The following SLC44A5 variants were observed in gnomAD, a reference collection of about 807,000 sequenced individuals.
The protein encoded by SLC44A5 is choline transporter-like protein 5.
A neutral mutation model predicts 101.8 loss-of-function variants in SLC44A5; 57 were observed. The ratio of observed to expected loss-of-function variants is 0.56; its 90% confidence interval spans 0.45 to 0.70. SLC44A5 has a LOEUF of 0.70. Ranked by LOEUF, SLC44A5 falls within the 30% of genes least tolerant of loss-of-function variation. SLC44A5 has a pLI of 0.00. For missense variants in SLC44A5, 737 were observed against 853.1 expected (o/e 0.86, Z 1.70); for synonymous variants, 281 against 290.9 (o/e 0.97, Z 0.35).
At chr1:75,711,593 A>G in the SLC44A5 span, among the ~76,000 whole-genome samples, 1 of 152,192 alleles carries the variant, frequency 6.6e-6, no homozygotes, top group African/African-American at 2.4e-5. Flanking sequence ...AAATCATACC[A>G]AAGTTTGGGT....
chr1:75,570,858 T>C (rs2102036024), intron 1 of SLC44A5, among the ~76,000 whole-genome samples: 1 of 152,274 alleles, frequency 6.6e-6, no homozygotes, highest in East Asian at 1.9e-4. Context: ...ATGTGCTAAT[T>C]AAAGCCCTCC....
chr1:75,529,779 C>A (rs1442863451), intron 2 of SLC44A5, among the ~76,000 whole-genome samples: 1 of 152,092 alleles, frequency 6.6e-6, no homozygotes, highest in Non-Finnish European at 1.5e-5. Context: ...CTGTACTAAT[C>A]CCCTCTAGAA....
intron 2 of SLC44A5, among the ~76,000 whole-genome samples, chr1:75,529,068 A>G (rs559024588): frequency 1.3e-5 from 2 of 152,362 alleles, no homozygotes; most frequent in African/African-American, 4.8e-5. Flanking sequence ...AGCAAGCAAT[A>G]GGATGGTAAT....
chr1:75,531,314 A>G (rs1487560592), intron 2 of SLC44A5, among the ~76,000 whole-genome samples: 1 of 152,228 alleles, frequency 6.6e-6, no homozygotes, highest in African/African-American at 2.4e-5. Context: ...TGTAAAATAT[A>G]TTGCCAAACT....
chr1:75,445,843 T>A (rs1665541856), intron 2 of SLC44A5, among the ~76,000 whole-genome samples: 1 of 152,138 alleles, frequency 6.6e-6, no homozygotes, highest in Non-Finnish European at 1.5e-5. Context: ...AACAAACTTT[T>A]TATTTTTCTC....
At chr1:75,463,918 A>G (rs190632465) in intron 2 of SLC44A5, among the ~76,000 whole-genome samples, 66 of 152,256 alleles carry the variant, frequency 4.3e-4, no homozygotes, top group African/African-American at 1.5e-3. Flanking sequence ...ACATAGCACA[A>G]TAAGATATAA....
At chr1:75,698,291 C>T in the SLC44A5 span, among the ~76,000 whole-genome samples, 29 of 152,254 alleles carry the variant, frequency 1.9e-4, no homozygotes, top group East Asian at 1.6e-3. Flanking sequence ...TCTCCCAGTA[C>T]GCAGCTGGAG....
At chr1:75,673,267 A>G in the SLC44A5 span, among the ~76,000 whole-genome samples, 1 of 150,670 alleles carries the variant, frequency 6.6e-6, no homozygotes, top group Non-Finnish European at 1.5e-5. Context: ...TTGAGTGAAT[A>G]TTGGCAGTAG....
rs12746736 is a variant in SLC44A5 at position 75,548,734 on chromosome 1, A to G, written c.-69-7218T>C. On this transcript the variant is annotated intron_variant, in intron 1 of 23. Coordinates refer to ENST00000370859, the MANE Select transcript of SLC44A5 (RefSeq NM_001130058.2). ...GAAACTGTGGCATAGAGCCTCATAG[A>G]TTTTCATAGCTGGAAAGGACCTTGG... 2.9e-3 allele frequency among the ~76,000 whole-genome samples: 449 copies of G among 152,232 alleles called. 1 individual carries two copies. The highest frequency in any genetic ancestry group is 4.8e-3 in the South Asian group (23 of 4,828).
intron 2 of SLC44A5, among the ~76,000 whole-genome samples, chr1:75,476,832 C>G (rs1048805964): frequency 6.6e-6 from 1 of 152,232 alleles, no homozygotes; most frequent in African/African-American, 2.4e-5. Context: ...AGGGCACAGA[C>G]AAACAAAAAG....
chr1:75,442,004 A>G (rs1454897086), intron 2 of SLC44A5, among the ~76,000 whole-genome samples: 2 of 152,180 alleles, frequency 1.3e-5, no homozygotes, highest in East Asian at 1.9e-4. Flanking sequence ...TTTTATAAGA[A>G]TGATCATTTA....
intron 3 of SLC44A5, among the ~76,000 whole-genome samples, chr1:75,388,830 A>C (rs1303193046): frequency 6.6e-6 from 1 of 152,010 alleles, no homozygotes; most frequent in Non-Finnish European, 1.5e-5. Context: ...CCTTGAATAT[A>C]AGTGGCCTAA....
chr1:75,632,283 A>G, the SLC44A5 span, among the ~76,000 whole-genome samples: 1 of 152,146 alleles, frequency 6.6e-6, no homozygotes, highest in African/African-American at 2.4e-5. Context: ...TTCTTTAGAG[A>G]CATTCTTATA....
At chr1:75,610,158 C>T (rs935943349) in intron 1 of SLC44A5, among the ~76,000 whole-genome samples, 10 of 151,652 alleles carry the variant, frequency 6.6e-5, no homozygotes, top group Admixed American at 5.9e-4. Flanking sequence ...CACACACACA[C>T]ACACACACAC....
intron 4 of SLC44A5, among the ~76,000 whole-genome samples, chr1:75,325,991 G>A (rs1245489144): frequency 6.6e-6 from 1 of 151,650 alleles, no homozygotes; most frequent in Non-Finnish European, 1.5e-5. Flanking sequence ...ATGAGGTCAG[G>A]AGTACAATTT....
At chr1:75,271,497 T>TTTTTTTTTTTTGTG (rs1553152601) in intron 6 of SLC44A5, among the ~76,000 whole-genome samples, 2 of 146,304 alleles carry the variant, frequency 1.4e-5, no homozygotes, top group Admixed American at 6.9e-5. Flanking sequence ...TCTGCATGTT[T>TTTTTTTTTTTTGTG]TGTGTGTGTG....
chr1:75,675,810 C>G, the SLC44A5 span, among the ~76,000 whole-genome samples: 2 of 152,008 alleles, frequency 1.3e-5, no homozygotes, highest in Non-Finnish European at 2.9e-5. Flanking sequence ...ATCCATCTAA[C>G]AAAGGTCTAA....
At chr1:75,698,549 C>T in the SLC44A5 span, among the ~76,000 whole-genome samples, 3 of 152,164 alleles carry the variant, frequency 2.0e-5, no homozygotes, top group Admixed American at 6.6e-5. Context: ...CACAAAGATG[C>T]GGAAAAAACA....
At chr1:75,569,326 T>G (rs1056156617) in intron 1 of SLC44A5, among the ~76,000 whole-genome samples, 4 of 149,922 alleles carry the variant, frequency 2.7e-5, no homozygotes. Flanking sequence ...CTGCAGCTTC[T>G]ACCTCCCAGG....
Sources: gnomAD v4.1 joint callset for allele counts (sites outside exome capture counted in the v4.1 genomes callset) on GRCh38, gnomAD v4.1.1 for gene constraint, MANE v1.5 for transcripts, NCBI Gene and HGNC (gene_info 2026-07-23, HGNC 2026-07-21) for gene names.